Variants in IGFLR1 observed in about 807,000 individuals in gnomAD.
IGFLR1 encodes IGF-like family receptor 1.
Under a neutral mutation model 23.4 loss-of-function variants are expected in IGFLR1, and 17 were observed. The observed-to-expected ratio is 0.73, with a 90% CI of 0.50 to 1.09. The LOEUF (loss-of-function observed/expected upper bound fraction) is 1.09. Ranked by LOEUF, IGFLR1 falls within the 50% of genes least tolerant of loss-of-function variation. The pLI, the probability that IGFLR1 is intolerant of heterozygous loss-of-function variation, is 0.00. For synonymous variants in IGFLR1, 265 were observed against 210.7 expected, an observed-to-expected ratio of 1.26 and a Z score of -2.23; for missense variants, 556 against 459.2, an observed-to-expected ratio of 1.21 and a Z score of -1.93.
At chr19:35,742,127 A>G (rs1012829347) in intron 1 of IGFLR1, among the ~76,000 whole-genome samples, 3 of 152,170 alleles carry the variant, frequency 2.0e-5, no homozygotes, top group Admixed American at 2.0e-4. Context: ...AAAACAAACT[A>G]AAGTGCTGAA....
At chr19:35,740,314 C>T (rs535163297) in intron 3 of IGFLR1, 66 bp downstream of exon 3, 3 of 1,460,082 alleles carry the variant, frequency 2.1e-6, no homozygotes, top group East Asian at 2.4e-5. Flanking sequence ...GGGGCTACGC[C>T]GGCTCCCTAC....
rs775430093 is a variant in IGFLR1, at chr19:35,740,500, T to C, written c.222A>G (p.Arg74=). 4 of 1,612,998 alleles carry C rather than the reference T, an allele frequency of 2.5e-6. No individual in the cohort carries two copies. The Admixed American group carries it at 5.0e-5, about 20-fold the overall frequency. ...GGTTGCACTGCCCAGAAGAACACTT[T>C]CGGAACGGGGGCGTTACGAAATCGC... The part of the protein sequence containing the change: ...DHGDFVTPPF[R]KCSSGQCNPD... Residue 74 remains arginine (R), a synonymous_variant, in exon 3 of 5, where the codon CGA becomes CGG. Transcript: ENST00000246532.
chr19:35,742,445 G>C lies in IGFLR1; in HGVS notation c.-93C>G, dbSNP rs1411017390. The stretch of plus-strand genomic sequence containing the variant: ...GGCCGTGCCAAGTTCCTCAGCTGAA[G>C]TTGTGGCCAGGACCCAGTCTTGTTT... On this transcript the variant is annotated 5_prime_UTR_variant, in exon 1 of 5. Transcript: ENST00000246532. The C allele has an allele frequency of 2.0e-6, 3 of 1,538,110 alleles. No individual in the cohort carries two copies. The South Asian group carries it at 3.6e-5, about 18-fold the overall frequency.
Position 35,741,094 on chromosome 19 carries a change from A to G in IGFLR1, c.87T>C (p.Leu29=), listed in dbSNP as rs540186869. Residue 29 remains leucine (L), a synonymous_variant, in exon 2 of 5, where the codon CTT becomes CTC. Transcript: ENST00000246532. The stretch of plus-strand genomic sequence containing the variant: ...ACTTGTTGTCTGGGTTCCAGTATTC[A>G]AGGCGGCCGCAGTACTGGGAGGCTT... ...PPEASQYCGR[L]EYWNPDNKCC... 11 of 1,605,726 alleles carry G rather than the reference A, an allele frequency of 6.9e-6. No homozygotes were observed. The highest frequency in any genetic ancestry group is 9.4e-6 in the Non-Finnish European group (11 of 1,174,904).
At chr19:35,740,596 C>T (rs1205071166) in intron 2 of IGFLR1, 32 bp from the exon 3 acceptor site, 5 of 1,566,812 alleles carry the variant, frequency 3.2e-6, no homozygotes, top group Non-Finnish European at 4.3e-6. Context: ...AGTGCGGCCG[C>T]CTAGCCCGCC....
In IGFLR1 at chr19:35,742,452, C is replaced by A. The variant is rs1970299648; in HGVS notation, c.-100G>T. ...CCAAGTTCCTCAGCTGAAGTTGTGG[C>A]CAGGACCCAGTCTTGTTTCCCCTTT... is the stretch of plus-strand genomic sequence containing the variant. On this transcript the variant is annotated 5_prime_UTR_variant, in exon 1 of 5. Coordinates refer to ENST00000246532, the MANE Select transcript of IGFLR1 (RefSeq NM_024660.4). The A allele has an allele frequency of 6.5e-7, 1 of 1,539,364 alleles. No individual in the cohort carries two copies. The highest frequency in any genetic ancestry group is 8.7e-7 in the Non-Finnish European group (1 of 1,147,674).
intron 1 of IGFLR1, among the ~76,000 whole-genome samples, chr19:35,741,999 C>T (rs1048360236): frequency 6.6e-6 from 1 of 151,910 alleles, no homozygotes; most frequent in Non-Finnish European, 1.5e-5. Context: ...TAAATCCCAG[C>T]TACTTGGGAG....
In IGFLR1 at chr19:35,740,443, G is replaced by A. The variant is rs1365654737; in HGVS notation, c.279C>T (p.Gly93=). Residue 93 remains glycine (G), a synonymous_variant, in exon 3 of 5, where the codon GGC becomes GGT. Transcript: ENST00000246532. ...CGGGAGTAGGGGTCACGGCTCCGCCGCCGCAGGGGCTACATAGCTCCGCGC... is the reference window on the plus strand; with the variant it reads ...CGGGAGTAGGGGTCACGGCTCCGCCACCGCAGGGGCTACATAGCTCCGCGC... ...PDGAELCSPC[G]GGAVTPTPAA... 6.2e-7 allele frequency: 1 copy of A among 1,611,624 alleles called. No individual in the cohort carries two copies. Among genetic ancestry groups the A allele is most frequent in the Non-Finnish European group, 8.5e-7 (1 of 1,179,204 alleles).
chr19:35,742,285 T>C (rs1970291208), intron 1 of IGFLR1, 111 bp downstream of exon 1: 3 of 851,232 alleles, frequency 3.5e-6, no homozygotes, highest in South Asian at 3.4e-5. Context: ...CCTAATCTCC[T>C]TGGGGCTAGG....
At position 35,739,156 on chromosome 19, in the gene IGFLR1, T is replaced by G; in HGVS notation, c.*124A>C. On this transcript the variant is annotated 3_prime_UTR_variant, in exon 5 of 5. Coordinates refer to ENST00000246532, the MANE Select transcript of IGFLR1 (RefSeq NM_024660.4). The stretch of plus-strand genomic sequence containing the variant: ...CCTGTGTGTATGTTGGAATAGGCCC[T>G]TCTAGGGCGAAGAGCAGTGAGGCTA... 1 of 997,592 alleles carries G rather than the reference T, an allele frequency of 1.0e-6. No homozygotes were observed. Among genetic ancestry groups the G allele is most frequent in the East Asian group, 2.6e-5 (1 of 37,852 alleles). 61.8% of individuals were successfully genotyped at this position (997,592 alleles called of 1,614,324 possible).
Position 35,739,817 on chromosome 19 carries a change from C to T in IGFLR1, c.614G>A (p.Gly205Glu). 1 of 1,601,362 alleles carries T rather than the reference C, an allele frequency of 6.2e-7. No homozygotes were observed. The highest frequency in any genetic ancestry group is 1.1e-5 in the South Asian group (1 of 89,632). ...DPYPYPGLVC[G>E]VPNTHTPSSS... ...GGAAGGGGTGTGGGTGTTGGGGACT[C>T]CGCAGACCAAGCCAGGATAGGGATA... is the stretch of plus-strand genomic sequence containing the variant. The change falls in exon 4 of 5, where the codon GGA becomes GAA. Residue 205 changes from glycine (G) to glutamate (E), a missense_variant. By Grantham distance (98) the Gly-to-Glu change is moderately conservative (BLOSUM62 -2). Transcript: ENST00000246532.
Position 35,740,454 on chromosome 19 carries a change from T to C in IGFLR1, c.268A>G (p.Ser90Gly), listed in dbSNP as rs1403564106. ...QCNPDGAELC[S>G]PCGGGAVTPT... ...GTCACGGCTCCGCCGCCGCAGGGGCTACATAGCTCCGCGCCGTCGGGGTTG... is the reference window on the plus strand; with the variant it reads ...GTCACGGCTCCGCCGCCGCAGGGGCCACATAGCTCCGCGCCGTCGGGGTTG... The change falls in exon 3 of 5, where the codon AGC becomes GGC. Residue 90 changes from serine to glycine, a missense_variant. Transcript: ENST00000246532. The C allele has an allele frequency of 1.5e-5, 24 of 1,612,730 alleles. No individual in the cohort carries two copies. The highest frequency in any genetic ancestry group is 1.9e-5 in the Non-Finnish European group (22 of 1,179,776).
At position 35,740,066 on chromosome 19, in the gene IGFLR1, T is replaced by G; in HGVS notation, c.365A>C (p.His122Pro). 1 of 1,613,344 alleles carries G rather than the reference T, an allele frequency of 6.2e-7. No individual in the cohort carries two copies. Residue 122 changes from histidine to proline, a missense_variant, in exon 4 of 5, where the codon CAC becomes CCC. Coordinates refer to ENST00000246532, the MANE Select transcript of IGFLR1 (RefSeq NM_024660.4). ...CRERPVPAKG[H>P]CPLTPGNPGA... is the part of the protein sequence containing the mutation. ...TGGGTTTCCAGGTGTGAGGGGGCAGTGCCCCTTGGCAGGGACCGGCCTCTG... is the reference window on the plus strand; with the variant it reads ...TGGGTTTCCAGGTGTGAGGGGGCAGGGCCCCTTGGCAGGGACCGGCCTCTG...
Position 35,739,598 on chromosome 19 carries a change from CAG to C in IGFLR1, c.748_749del (p.Leu250ValfsTer6), listed in dbSNP as rs368502918. The stretch of plus-strand genomic sequence containing the variant: ...CCTCCAGCTCATCCAGGAGGCGAGA[CAG>C]GGGTTGTGACGCCAGACTGGACAGT... The part of the protein sequence containing the change: ...RELSSLASQP[L>X]SRLLDELEVL... On this transcript the variant is annotated frameshift_variant, in exon 5 of 5. Coordinates refer to ENST00000246532, the MANE Select transcript of IGFLR1 (RefSeq NM_024660.4). LOFTEE classifies it low-confidence loss of function (END_TRUNC). The C allele has an allele frequency of 1.7e-3, 2,770 of 1,613,494 alleles. 6 individuals are homozygous for C. Among genetic ancestry groups the C allele is most frequent in the African/African-American group, 3.0e-3 (227 of 75,020 alleles).
rs1028627711 is a variant in IGFLR1, at chr19:35,739,356, T to C, written c.992A>G (p.His331Arg). ...ATCTGCCCGCCCTAGCTGGGCGAGGTGTGTGCCAAGCTGGCCCAGGGAGGC... is the reference window on the plus strand; with the variant it reads ...ATCTGCCCGCCCTAGCTGGGCGAGGCGTGTGCCAAGCTGGCCCAGGGAGGC... ...PSASLGQLGTHLAQLGRADAL... is the reference protein window; with the variant it reads ...PSASLGQLGTRLAQLGRADAL... Residue 331 changes from histidine to arginine, a missense_variant, in exon 5 of 5, where the codon CAC (histidine) becomes CGC (arginine). His to Arg is a conservative substitution (Grantham distance 29). Transcript: ENST00000246532. 1.4e-5 allele frequency: 23 copies of C among 1,611,814 alleles called. No homozygotes were observed. The highest frequency in any genetic ancestry group is 1.8e-5 in the Non-Finnish European group (21 of 1,179,282).
In IGFLR1 at chr19:35,740,130, A is replaced by C. The variant is rs1490649778; in HGVS notation, c.343-42T>G. The C allele has an allele frequency of 2.6e-6, 4 of 1,551,712 alleles. No individual in the cohort carries two copies. The Admixed American group carries it at 6.0e-5, about 23-fold the overall frequency. ...GGAGTAAAGCTGGAGGCCACACTCC[A>C]CTCCTGCCCGCTCCCAAACCTCCCA... On this transcript the variant is annotated intron_variant, in intron 3 of 4. Transcript: ENST00000246532.
intron 3 of IGFLR1, 140 bp downstream of exon 3, chr19:35,740,240 A>G: frequency 7.6e-7 from 1 of 1,314,028 alleles, no homozygotes; most frequent in Non-Finnish European, 1.0e-6. Flanking sequence ...AACTACCTTA[A>G]CCTAGGACCT....
At position 35,741,234 on chromosome 19, in the gene IGFLR1, C is replaced by A. The variant is rs979094656; in HGVS notation, c.-43-11G>T. 4 of 1,593,424 alleles carry A rather than the reference C, an allele frequency of 2.5e-6. No individual in the cohort carries two copies. Among genetic ancestry groups the A allele is most frequent in the Non-Finnish European group, 3.4e-6 (4 of 1,173,742 alleles). ...AACACAGCGCCTCTGCTACACTTTC[C>A]GGGGAAATCGGGCAGAAGAAAGGAC... is the stretch of plus-strand genomic sequence containing the variant. On this transcript the variant is annotated splice_polypyrimidine_tract_variant and intron_variant, in intron 1 of 4. Transcript: ENST00000246532.
chr19:35,742,084 G>A (rs141289870), intron 1 of IGFLR1, among the ~76,000 whole-genome samples: 124 of 152,288 alleles, frequency 8.1e-4, no homozygotes, highest in African/African-American at 2.5e-3. Flanking sequence ...ACTCCAGCCT[G>A]GGCAACAGGA....
Sources: allele counts gnomAD v4.1 joint callset (sites outside exome capture counted in the v4.1 genomes callset), GRCh38; gene constraint gnomAD v4.1.1; transcripts MANE v1.5; gene names NCBI Gene and HGNC (gene_info 2026-07-23, HGNC 2026-07-21).